The following ASNS variants were observed in gnomAD, a reference collection of about 807,000 sequenced individuals.
ASNS encodes the protein asparagine synthetase [glutamine-hydrolyzing].
A neutral mutation model predicts 62.6 loss-of-function variants in ASNS; 37 were observed. The ratio of observed to expected loss-of-function variants is 0.59; its 90% CI spans 0.45 to 0.78. The LOEUF (loss-of-function observed/expected upper bound fraction) is 0.78, where lower values mean the gene tolerates loss of function less well. Ranked by LOEUF, ASNS falls within the 30% of genes least tolerant of loss-of-function variation. The pLI, the probability that ASNS is intolerant of heterozygous loss-of-function variation, is 0.00. For synonymous variants in ASNS, 207 were observed against 237.9 expected (o/e 0.87, Z 1.19); for missense variants, 520 against 682.4 (o/e 0.76, Z 2.65).
At chr7:97,853,446 G>C in intron 10 of ASNS, 60 bp from the exon 11 acceptor site, 2 of 1,409,496 alleles carry the variant, frequency 1.4e-6, no homozygotes, top group Non-Finnish European at 2.0e-6. Flanking sequence ...TGCCAGGTTA[G>C]GTTCTGATTC....
the ASNS span, among the ~76,000 whole-genome samples, chr7:97,925,441 A>G: frequency 0.97 from 147,474 of 152,116 alleles, 71,517 homozygotes; most frequent in East Asian, 1. Context: ...ATTTGAAACC[A>G]TCTGGAGACA....
chr7:97,919,199 T>A, the ASNS span, among the ~76,000 whole-genome samples: 2 of 152,172 alleles, frequency 1.3e-5, no homozygotes, highest in Non-Finnish European at 1.5e-5. Context: ...CACTGCAACC[T>A]GCTGCTTCTG....
chr7:97,856,718 A>T lies in ASNS; in HGVS notation c.1002T>A (p.Tyr334Ter). Residue 334 changes from tyrosine (Y) to a stop codon, truncating the protein, a stop_gained, in exon 8 of 13, where the codon TAT (tyrosine) becomes TAA (stop). Coordinates refer to ENST00000394308, the MANE Select transcript of ASNS (RefSeq NM_001673.5). LOFTEE classifies it high-confidence loss of function. Reference sequence around the variant, plus strand: ...CTGAAGCACGAACTGTTGTAATGTCATAAGTTTCCAAGGAAAATATGACTT... The same window carrying T: ...CTGAAGCACGAACTGTTGTAATGTCTTAAGTTTCCAAGGAAAATATGACTT... ...LDEVIFSLET[Y>*]DITTVRASVG... 1 of 1,613,506 alleles carries T rather than the reference A, an allele frequency of 6.2e-7. No individual in the cohort carries two copies. Among genetic ancestry groups the T allele is most frequent in the Non-Finnish European group, 8.5e-7 (1 of 1,179,704 alleles).
the ASNS span, among the ~76,000 whole-genome samples, chr7:97,884,011 A>G: frequency 4.8e-5 from 7 of 146,190 alleles, no homozygotes; most frequent in African/African-American, 1.8e-4. Flanking sequence ...AAAAAAAATT[A>G]TAAAAGGTCA....
At chr7:97,905,692 T>G in the ASNS span, among the ~76,000 whole-genome samples, 3 of 152,120 alleles carry the variant, frequency 2.0e-5, no homozygotes, top group African/African-American at 7.2e-5. Context: ...AGCATCCTTC[T>G]CCTTTTCCAA....
chr7:97,900,747 A>G, the ASNS span, among the ~76,000 whole-genome samples: 1 of 152,114 alleles, frequency 6.6e-6, no homozygotes, highest in Admixed American at 6.5e-5. Flanking sequence ...TCGTGGAGGA[A>G]GAAGTATGGA....
At chr7:97,868,850 G>A (rs77495690) in intron 3 of ASNS, 58 bp downstream of exon 3, 47,620 of 1,594,886 alleles carry the variant, frequency 0.03, 793 homozygotes, top group Non-Finnish European at 0.035. Flanking sequence ...TAACATCATC[G>A]TAACCAACAA....
the ASNS span, among the ~76,000 whole-genome samples, chr7:97,910,701 A>T: frequency 6.6e-6 from 1 of 151,960 alleles, no homozygotes; most frequent in South Asian, 2.1e-4. Flanking sequence ...TCCCGGGTTC[A>T]AGTGATTCTC....
At chr7:97,896,893 A>G in the ASNS span, among the ~76,000 whole-genome samples, 6 of 150,654 alleles carry the variant, frequency 4.0e-5, no homozygotes, top group East Asian at 1.2e-3. Context: ...TTTTCAAGAA[A>G]GCTGTCAAGA....
chr7:97,861,183 G>C (rs569882582), intron 4 of ASNS, among the ~76,000 whole-genome samples: 4 of 152,016 alleles, frequency 2.6e-5, no homozygotes, highest in Middle Eastern at 3.4e-3. Context: ...CACCACGCCC[G>C]GCTAATTTTT....
At chr7:97,876,647 C>T (rs1159006237), upstream of ASNS, among the ~76,000 whole-genome samples, 1 of 151,918 alleles carries the variant, frequency 6.6e-6, no homozygotes, top group Non-Finnish European at 1.5e-5. Context: ...AGGATGCTCT[C>T]GATCTCTTGA....
intron 8 of ASNS, 44 bp downstream of exon 8, chr7:97,856,646 G>T: frequency 1.4e-6 from 2 of 1,462,000 alleles, no homozygotes; most frequent in Non-Finnish European, 9.2e-7. Flanking sequence ...ATTTTTTTCA[G>T]TATTAAAAAA....
the ASNS span, among the ~76,000 whole-genome samples, chr7:97,890,594 TGAA>T: frequency 3.9e-5 from 6 of 152,174 alleles, no homozygotes; most frequent in East Asian, 1.2e-3. Context: ...CCTTCACAAA[TGAA>T]GAAGCCTGGC....
chr7:97,862,768 CA>C (rs528357189), intron 4 of ASNS, among the ~76,000 whole-genome samples: 5,486 of 129,250 alleles, frequency 0.042, 354 homozygotes, highest in African/African-American at 0.14. Flanking sequence ...TAAAACTGCT[CA>C]AAAAAAAAAA....
At chr7:97,896,741 C>CACACACATATATATATATATAT in the ASNS span, among the ~76,000 whole-genome samples, 2 of 19,778 alleles carry the variant, frequency 1.0e-4, no homozygotes, top group South Asian at 1.9e-3. Flanking sequence ...CACACACACA[C>CACACACATATATATATATATAT]ATATATATAT....
upstream of ASNS, among the ~76,000 whole-genome samples, chr7:97,876,740 T>C (rs1792446136): frequency 6.6e-6 from 1 of 152,120 alleles, no homozygotes; most frequent in Non-Finnish European, 1.5e-5. Context: ...AATACTATTA[T>C]TAATTTTGGG....
At chr7:97,854,760 G>T in intron 9 of ASNS, 80 bp from the exon 10 acceptor site, 1 of 1,594,812 alleles carries the variant, frequency 6.3e-7, no homozygotes, top group Admixed American at 1.8e-5. Context: ...CAATCCTAAA[G>T]GTGGATAAGA....
chr7:97,924,866 G>T, the ASNS span, among the ~76,000 whole-genome samples: 2 of 151,232 alleles, frequency 1.3e-5, no homozygotes, highest in Non-Finnish European at 3.0e-5. Flanking sequence ...GCCCAGCGTG[G>T]TGGCTCACAC....
At chr7:97,874,706 G>A (rs1792403121), upstream of ASNS, among the ~76,000 whole-genome samples, 1 of 152,264 alleles carries the variant, frequency 6.6e-6, no homozygotes, top group Admixed American at 6.5e-5. Context: ...TGGCACAAAA[G>A]AGTTGCTCAA....
Sources: gnomAD v4.1 joint callset for allele counts (sites outside exome capture counted in the v4.1 genomes callset) on GRCh38, gnomAD v4.1.1 for gene constraint, MANE v1.5 for transcripts, NCBI Gene and HGNC (gene_info 2026-07-23, HGNC 2026-07-21) for gene names.